CCDC192: variants seen among roughly 807,000 people sequenced by gnomAD.
The protein encoded by CCDC192 is coiled-coil domain-containing protein 192.
chr5:127,792,563 G>T (rs1414080265), intron 3 of CCDC192, among the ~76,000 whole-genome samples: 2 of 148,490 alleles, frequency 1.3e-5, no homozygotes, highest in Non-Finnish European at 3.0e-5. Context: ...AAAATTAGCT[G>T]GATGTGGTGG....
At chr5:127,817,045 A>G (rs1465601510) in intron 5 of CCDC192, among the ~76,000 whole-genome samples, 2 of 152,252 alleles carry the variant, frequency 1.3e-5, no homozygotes, top group Non-Finnish European at 2.9e-5. Flanking sequence ...TTAGTTATTC[A>G]TATTGTTAAC....
At chr5:127,792,826 A>AAGG (rs968571117) in intron 3 of CCDC192, among the ~76,000 whole-genome samples, 15 of 93,994 alleles carry the variant, frequency 1.6e-4, no homozygotes, top group African/African-American at 4.2e-4. Context: ...GAAGAAGAAG[A>AAGG]AGGAGGAGGA....
At chr5:127,884,342 C>CAA (rs778430655) in intron 6 of CCDC192, among the ~76,000 whole-genome samples, 159 of 11,840 alleles carry the variant, frequency 0.013, 26 homozygotes, top group East Asian at 0.043. Flanking sequence ...GACTCCGTCT[C>CAA]AAAAAAAAAA....
chr5:127,892,897 A>G (rs1752769382), intron 6 of CCDC192, among the ~76,000 whole-genome samples: 1 of 152,240 alleles, frequency 6.6e-6, no homozygotes, highest in South Asian at 2.1e-4. Context: ...AATGCTCTCC[A>G]TTGTCTCGAG....
chr5:127,930,798 T>C (rs150042477), intron 6 of CCDC192, among the ~76,000 whole-genome samples: 14 of 152,326 alleles, frequency 9.2e-5, no homozygotes, highest in South Asian at 2.1e-4. Context: ...GGAGAGTAGA[T>C]AGAAGATGGG....
chr5:127,927,628 A>T (rs776504787), intron 6 of CCDC192, among the ~76,000 whole-genome samples: 3 of 152,244 alleles, frequency 2.0e-5, no homozygotes, highest in African/African-American at 7.2e-5. Flanking sequence ...GCTTGGAGCC[A>T]GTAGAAAGAT....
At chr5:127,921,087 A>AAAAAG (rs1753700346) in intron 6 of CCDC192, among the ~76,000 whole-genome samples, 1 of 131,714 alleles carries the variant, frequency 7.6e-6, no homozygotes, top group Non-Finnish European at 1.5e-5. Flanking sequence ...GGAAAGGAAA[A>AAAAAG]GAAAGGAAAG....
chr5:127,745,858 T>C, intron 2 of CCDC192, among the ~76,000 whole-genome samples: 1 of 152,240 alleles, frequency 6.6e-6, no homozygotes, highest in Admixed American at 6.5e-5. Context: ...AAATTAATTA[T>C]GGAAGTCCTA....
Position 127,921,947 on chromosome 5 carries a change from G to A in CCDC192, c.536-19235G>A, listed in dbSNP as rs576234456. Reference sequence around the variant, plus strand: ...ATTAAACATTGTCGTGCACTAAAAAGTACATGCTACTAAAAATATTTCTTC... The same window carrying A: ...ATTAAACATTGTCGTGCACTAAAAAATACATGCTACTAAAAATATTTCTTC... On this transcript the variant is annotated intron_variant, in intron 6 of 6. Coordinates refer to ENST00000514853, the MANE Select transcript of CCDC192 (RefSeq NM_001317938.2). Among the ~76,000 whole-genome samples, 6 of 152,294 alleles carry A rather than the reference G, an allele frequency of 3.9e-5. No individual in the cohort carries two copies. In the East Asian group the frequency reaches 1.2e-3, roughly 29 times the overall value.
At chr5:127,725,513 AT>A (rs1752270078) in intron 2 of CCDC192, among the ~76,000 whole-genome samples, 1 of 152,204 alleles carries the variant, frequency 6.6e-6, no homozygotes, top group East Asian at 1.9e-4. Context: ...TCAACATATA[AT>A]TGATATAAAA....
In CCDC192 at chr5:127,723,212, T is replaced by C. The variant is rs577589808; in HGVS notation, c.114+15452T>C. On this transcript the variant is annotated intron_variant, in intron 2 of 6. Transcript: ENST00000514853. The stretch of plus-strand genomic sequence containing the variant: ...TATTCCTGGGTATTTTATTTTATTT[T>C]TATCTCTTGTAAATGGAATTACTTT... 2.2e-4 allele frequency among the ~76,000 whole-genome samples: 34 copies of C among 152,324 alleles called. No individual in the cohort carries two copies. The East Asian group carries it at 6.4e-3, about 28-fold the overall frequency.
chr5:127,786,035 G>GT (rs1348970792), intron 3 of CCDC192: 4 of 631,504 alleles, frequency 6.3e-6, no homozygotes, highest in Non-Finnish European at 1.2e-5. Context: ...GTCTCCAGCA[G>GT]TTTTTTCAAT....
intron 6 of CCDC192, among the ~76,000 whole-genome samples, chr5:127,899,358 G>A (rs1200670845): frequency 6.6e-6 from 1 of 152,134 alleles, no homozygotes; most frequent in Non-Finnish European, 1.5e-5. Context: ...CTCTGAGGCT[G>A]TTGACCAAGC....
intron 5 of CCDC192, among the ~76,000 whole-genome samples, chr5:127,837,938 A>T (rs1413873978): frequency 6.6e-6 from 1 of 150,646 alleles, no homozygotes; most frequent in African/African-American, 2.4e-5. Context: ...CAGTGAGCTG[A>T]GATTGCACCA....
At chr5:127,871,092 G>C (rs976269415) in intron 5 of CCDC192, among the ~76,000 whole-genome samples, 1 of 152,202 alleles carries the variant, frequency 6.6e-6, no homozygotes, top group African/African-American at 2.4e-5. Context: ...GAGAGCTGCC[G>C]TGAGGAGCAA....
intron 6 of CCDC192, among the ~76,000 whole-genome samples, chr5:127,921,375 A>C (rs983374674): frequency 1.3e-5 from 2 of 152,120 alleles, no homozygotes; most frequent in Non-Finnish European, 2.9e-5. Flanking sequence ...CCTACTAAAG[A>C]AGTCACTCAT....
At chr5:127,898,917 T>C (rs995093502) in intron 6 of CCDC192, among the ~76,000 whole-genome samples, 3 of 152,192 alleles carry the variant, frequency 2.0e-5, no homozygotes, top group Admixed American at 1.3e-4. Context: ...AGATTTTCAC[T>C]GTGAACAAGG....
intron 5 of CCDC192, among the ~76,000 whole-genome samples, chr5:127,813,215 C>T (rs531339711): frequency 6.6e-6 from 1 of 152,246 alleles, no homozygotes; most frequent in South Asian, 2.1e-4. Flanking sequence ...CTTAAACTGT[C>T]CCTATTTCAT....
At chr5:127,728,667 T>C (rs1410781486) in intron 2 of CCDC192, among the ~76,000 whole-genome samples, 1 of 152,168 alleles carries the variant, frequency 6.6e-6, no homozygotes, top group East Asian at 1.9e-4. Flanking sequence ...GCTAGCATAA[T>C]GGTGACAGGA....
Sources: gnomAD v4.1 joint callset for allele counts (sites outside exome capture counted in the v4.1 genomes callset) on GRCh38, gnomAD v4.1.1 for gene constraint, MANE v1.5 for transcripts, NCBI Gene and HGNC (gene_info 2026-07-23, HGNC 2026-07-21) for gene names.